The following ZNF85 variants were observed in gnomAD, a reference collection of about 807,000 sequenced individuals.
The protein encoded by ZNF85 is zinc finger protein 85 (HPF4, HTF1).
Under a neutral mutation model 53.9 loss-of-function variants are expected in ZNF85, and 50 were observed. The observed-to-expected ratio is 0.93, with a 90% CI of 0.74 to 1.17. The LOEUF (loss-of-function observed/expected upper bound fraction) is 1.17. Ranked by LOEUF, ZNF85 falls within the 50% of genes most tolerant of loss-of-function variation. The pLI is 0.00. For missense variants in ZNF85, 747 were observed against 688.5 expected, an observed-to-expected ratio of 1.08 and a Z score of -0.95; for synonymous variants, 225 against 226.1, an observed-to-expected ratio of 1.00 and a Z score of 0.04.
At chr19:20,937,142 C>T (rs1405819126) in intron 3 of ZNF85, 5 of 300,168 alleles carry the variant, frequency 1.7e-5, no homozygotes, top group Non-Finnish European at 2.7e-5. Flanking sequence ...AAGTATTCCC[C>T]TGCCTCAGCC....
At chr19:20,943,984 CTTAT>C (rs537950700) in intron 3 of ZNF85, 136 of 312,492 alleles carry the variant, frequency 4.4e-4, no homozygotes, top group African/African-American at 3.0e-3. Context: ...TTACTTTCAG[CTTAT>C]TTGACTCTAT....
At chr19:20,926,130 T>A (rs1972874805) in intron 1 of ZNF85, among the ~76,000 whole-genome samples, 1 of 152,198 alleles carries the variant, frequency 6.6e-6, no homozygotes. Context: ...CCATTTTGGC[T>A]GTAGAAAATA....
rs71174768 is a variant in ZNF85, at chr19:20,929,188, C to CTT, written c.4-4823_4-4822dup. 3.0e-4 allele frequency among the ~76,000 whole-genome samples: 41 copies of CTT among 138,432 alleles called. 1 individual carries two copies. Among genetic ancestry groups the CTT allele is most frequent in the Admixed American group, 7.3e-4 (10 of 13,730 alleles). 90.8% of individuals were successfully genotyped at this position (138,432 alleles called of 152,430 possible). ...TTCACTAGACAAAAACTGATCTCTT[C>CTT]TTTTTTTTTTTTTTGTTTGAGACAC... On this transcript the variant is annotated intron_variant, in intron 1 of 3. Transcript: ENST00000328178.
Position 20,949,133 on chromosome 19 carries a change from T to G in ZNF85, c.619T>G (p.Cys207Gly). The G allele has an allele frequency of 6.2e-7, 1 of 1,613,672 alleles. No homozygotes were observed. Among genetic ancestry groups the G allele is most frequent in the Non-Finnish European group, 8.5e-7 (1 of 1,179,766 alleles). The change falls in exon 4 of 4, where the codon TGT (cysteine) becomes GGT (glycine). Residue 207 changes from cysteine (C) to glycine (G), a missense_variant. Cys to Gly is a radical substitution (Grantham distance 159). Coordinates refer to ENST00000328178, the MANE Select transcript of ZNF85 (RefSeq NM_003429.5). The stretch of plus-strand genomic sequence containing the variant: ...AGTAAATTTCTACAAATGTGAAGAA[T>G]GTGGAAAAGCCTTTAACTGGTCCTC... ...TRVNFYKCEECGKAFNWSSTL... is the reference protein window; with the variant it reads ...TRVNFYKCEEGGKAFNWSSTL...
chr19:20,949,542 A>G lies in ZNF85; in HGVS notation c.1028A>G (p.Lys343Arg), dbSNP rs769880011. 3 of 1,612,912 alleles carry G rather than the reference A, an allele frequency of 1.9e-6. No homozygotes were observed. The highest frequency in any genetic ancestry group is 3.3e-5 in the Admixed American group (2 of 59,922). Residue 343 changes from lysine to arginine, a missense_variant, in exon 4 of 4, where the codon AAA becomes AGA. Physicochemically the swap from Lys to Arg is conservative, Grantham distance 26. Coordinates refer to ENST00000328178, the MANE Select transcript of ZNF85 (RefSeq NM_003429.5). ...KIIHTGEKPY[K>R]CKKCGKAFNQ... is the part of the protein sequence containing the mutation. ...ATTCATACTGGAGAGAAACCCTACA[A>G]ATGTAAAAAATGTGGAAAAGCCTTT...
intron 1 of ZNF85, among the ~76,000 whole-genome samples, chr19:20,924,050 A>G (rs1972824150): frequency 6.6e-6 from 1 of 150,692 alleles, no homozygotes. Flanking sequence ...GCGCCACTGC[A>G]CTCCAGCCTG....
chr19:20,931,384 T>C (rs964688815), intron 1 of ZNF85, among the ~76,000 whole-genome samples: 19 of 151,908 alleles, frequency 1.3e-4, no homozygotes, highest in Admixed American at 6.6e-5. Context: ...GAAATCTCTT[T>C]ACTTGTGCCC....
rs1972797226 is a variant in ZNF85, at chr19:20,923,279, C to G, written c.-122C>G. 2.7e-6 allele frequency: 4 copies of G among 1,504,350 alleles called. No individual in the cohort carries two copies. The highest frequency in any genetic ancestry group is 1.2e-5 in the South Asian group (1 of 86,612). 93.2% of individuals were successfully genotyped at this position (1,504,350 alleles called of 1,614,324 possible). On this transcript the variant is annotated 5_prime_UTR_variant, in exon 1 of 4. Transcript: ENST00000328178. ...TTTGTCTCTCGCTGCAGCCTGAGCT[C>G]TAGGTCTTGTTTTCCCTGCTTTGTG...
chr19:20,930,547 AC>A (rs1972991793), intron 1 of ZNF85, among the ~76,000 whole-genome samples: 1 of 151,208 alleles, frequency 6.6e-6, no homozygotes, highest in African/African-American at 2.4e-5. Flanking sequence ...ACACTTAATA[AC>A]ATCTTTCAGG....
rs756638820 is a variant in ZNF85 at position 20,934,957 on chromosome 19, G to A, written c.139G>A (p.Val47Ile). ...TATTTTTAATAAAACAGGTATTACT[G>A]TTTCTAAGCCAGACCTGATCACTTG... The part of the protein sequence containing the change: ...YRNLVFLGIT[V>I]SKPDLITCLE... The change falls in exon 3 of 4, where the codon GTT (valine) becomes ATT (isoleucine). Residue 47 changes from valine to isoleucine, a missense_variant. Physicochemically the swap from Val to Ile is conservative, Grantham distance 29. Transcript: ENST00000328178. 1.2e-5 allele frequency: 19 copies of A among 1,605,544 alleles called. No individual in the cohort carries two copies. The Admixed American group carries it at 3.2e-4, about 27-fold the overall frequency.
Position 20,950,016 on chromosome 19 carries a change from A to G in ZNF85, c.1502A>G (p.Lys501Arg), listed in dbSNP as rs145468338. Residue 501 changes from lysine (K) to arginine (R), a missense_variant, in exon 4 of 4, where the codon AAG (lysine) becomes AGG (arginine). By Grantham distance (26) the Lys-to-Arg change is conservative (BLOSUM62 2). Coordinates refer to ENST00000328178, the MANE Select transcript of ZNF85 (RefSeq NM_003429.5). ...FKWPSTLTIH[K>R]IIHTGEKPYK... The stretch of plus-strand genomic sequence containing the variant: ...TGGCCCTCAACCCTTACTATCCATA[A>G]GATAATTCATACTGGAGAGAAACCA... The G allele has an allele frequency of 2.6e-4, 421 of 1,613,066 alleles. 4 individuals carry two copies. In the South Asian group the frequency reaches 4.2e-3, roughly 16 times the overall value.
chr19:20,926,773 C>T (rs938628506), intron 1 of ZNF85: 1 of 151,866 alleles, frequency 6.6e-6, no homozygotes, highest in East Asian at 1.9e-4. Context: ...GGGAGGGTCT[C>T]ACTGATGATA....
At chr19:20,943,654 T>G (rs1251908588) in intron 3 of ZNF85, 1 of 152,234 alleles carries the variant, frequency 6.6e-6, no homozygotes, top group African/African-American at 2.4e-5. Flanking sequence ...TTATTGATCT[T>G]TTGTCTGAAT....
At chr19:20,946,232 C>A in intron 3 of ZNF85, 1 of 344,848 alleles carries the variant, frequency 2.9e-6, no homozygotes, top group Non-Finnish European at 5.6e-6. Flanking sequence ...CCATTTTTAT[C>A]TTAAAGAGTA....
chr19:20,923,273 T>G lies in ZNF85; in HGVS notation c.-128T>G. ...GGGGCCTTTGTCTCTCGCTGCAGCCTGAGCTCTAGGTCTTGTTTTCCCTGC... is the reference window on the plus strand; with the variant it reads ...GGGGCCTTTGTCTCTCGCTGCAGCCGGAGCTCTAGGTCTTGTTTTCCCTGC... On this transcript the variant is annotated 5_prime_UTR_variant, in exon 1 of 4. Coordinates refer to ENST00000328178, the MANE Select transcript of ZNF85 (RefSeq NM_003429.5). 1.8e-5 allele frequency: 26 copies of G among 1,459,580 alleles called. No homozygotes were observed. Among genetic ancestry groups the G allele is most frequent in the East Asian group, 4.6e-5 (2 of 43,658 alleles). 90.4% of individuals were successfully genotyped at this position (1,459,580 alleles called of 1,614,324 possible). A position where few individuals can be genotyped will look rare whatever the true frequency, so the allele number is the denominator to read the frequency against.
chr19:20,931,548 G>T (rs567987801), intron 1 of ZNF85, among the ~76,000 whole-genome samples: 9 of 151,860 alleles, frequency 5.9e-5, no homozygotes, highest in African/African-American at 1.9e-4. Context: ...AAGGGTGGCC[G>T]CAGGACTGTT....
At chr19:20,937,005 G>C (rs1436919447) in intron 3 of ZNF85, 1 of 188,160 alleles carries the variant, frequency 5.3e-6, no homozygotes. Context: ...CAAGTTTTTG[G>C]GGTTTTTTTG....
In ZNF85 at chr19:20,950,372, C is replaced by A; in HGVS notation, c.*70C>A. 2 of 1,074,840 alleles carry A rather than the reference C, an allele frequency of 1.9e-6. No individual in the cohort carries two copies. Among genetic ancestry groups the A allele is most frequent in the Non-Finnish European group, 2.6e-6 (2 of 766,046 alleles). 66.6% of individuals were successfully genotyped at this position (1,074,840 alleles called of 1,614,324 possible). ...TAAGAAAATTTATACTGGAGAGAAA[C>A]TACTAACCTGAAAGATGTGACAATA... is the stretch of plus-strand genomic sequence containing the variant. On this transcript the variant is annotated 3_prime_UTR_variant, in exon 4 of 4. Transcript: ENST00000328178.
In ZNF85 at chr19:20,949,175, A is replaced by G; in HGVS notation, c.661A>G (p.Lys221Glu). The G allele has an allele frequency of 6.2e-7, 1 of 1,613,526 alleles. No individual in the cohort carries two copies. Among genetic ancestry groups the G allele is most frequent in the Admixed American group, 1.7e-5 (1 of 60,018 alleles). ...FNWSSTLTKH[K>E]RIHTGEKPYK... ...CTGGTCCTCAACCCTTACTAAACATAAGAGAATTCATACGGGAGAGAAACC... is the reference window on the plus strand; with the variant it reads ...CTGGTCCTCAACCCTTACTAAACATGAGAGAATTCATACGGGAGAGAAACC... The change falls in exon 4 of 4, where the codon AAG becomes GAG. Residue 221 changes from lysine (K) to glutamate (E), a missense_variant. Lys to Glu is a moderately conservative substitution (Grantham distance 56). Coordinates refer to ENST00000328178, the MANE Select transcript of ZNF85 (RefSeq NM_003429.5).
Sources: allele counts gnomAD v4.1 joint callset (sites outside exome capture counted in the v4.1 genomes callset), GRCh38; gene constraint gnomAD v4.1.1; transcripts MANE v1.5; gene names NCBI Gene and HGNC (gene_info 2026-07-23, HGNC 2026-07-21).